Variants in DLGAP2 observed in about 807,000 individuals in gnomAD.
DLGAP2 encodes disks large-associated protein 2.
In DLGAP2, 26 loss-of-function variants were observed where a neutral mutation model predicts 100.3. That is an observed-to-expected ratio of 0.26 (90% CI 0.19 to 0.36). The LOEUF is 0.36. Among genes scored for constraint, DLGAP2 ranks in the 10% least tolerant of loss-of-function variants. DLGAP2 has a pLI of 1.00. For missense variants in DLGAP2, 1,858 were observed against 1,453.2 expected (o/e 1.28, Z -4.53); for synonymous variants, 886 against 630.1 (o/e 1.41, Z -6.08).
At chr8:1,323,220 G>A (rs1388244467) in intron 3 of DLGAP2, among the ~76,000 whole-genome samples, 2 of 151,996 alleles carry the variant, frequency 1.3e-5, no homozygotes, top group African/African-American at 4.8e-5. Flanking sequence ...ACTGGAGACA[G>A]GGTTTCATTG....
intron 2 of DLGAP2, among the ~76,000 whole-genome samples, chr8:1,042,704 G>T (rs554881704): frequency 6.6e-6 from 1 of 151,810 alleles, no homozygotes; most frequent in East Asian, 2.0e-4. Flanking sequence ...GTTGGATGTC[G>T]GTGGTGGGTG....
chr8:984,106 A>T (rs1210089107), intron 2 of DLGAP2, among the ~76,000 whole-genome samples: 1 of 152,212 alleles, frequency 6.6e-6, no homozygotes, highest in Non-Finnish European at 1.5e-5. Flanking sequence ...ACCTCGTAGC[A>T]GGAAACTGTT....
intron 2 of DLGAP2, among the ~76,000 whole-genome samples, chr8:990,330 TCGGAG>T (rs1563131777): frequency 9.0e-5 from 13 of 144,376 alleles, no homozygotes; most frequent in African/African-American, 3.2e-4. Context: ...ACCCCCATAC[TCGGAG>T]TTCCTGTTCT....
chr8:1,507,185 G>T (rs1007414879), intron 4 of DLGAP2, among the ~76,000 whole-genome samples: 1 of 152,236 alleles, frequency 6.6e-6, no homozygotes, highest in Non-Finnish European at 1.5e-5. Flanking sequence ...GGGTCAATGG[G>T]ACCGGGCGCC....
At chr8:788,796 G>T (rs1481418575) in intron 1 of DLGAP2, among the ~76,000 whole-genome samples, 3 of 152,186 alleles carry the variant, frequency 2.0e-5, no homozygotes, top group African/African-American at 7.2e-5. Flanking sequence ...GTCGTGGTGG[G>T]TTCTGTTCTA....
intron 2 of DLGAP2, among the ~76,000 whole-genome samples, chr8:966,421 A>G (rs1799872687): frequency 1.3e-5 from 2 of 152,178 alleles, no homozygotes; most frequent in Admixed American, 6.5e-5. Context: ...ATTTCAAACC[A>G]ACTCCGCAGG....
intron 2 of DLGAP2, among the ~76,000 whole-genome samples, chr8:1,235,215 C>G (rs368123917): frequency 0.014 from 1,596 of 112,700 alleles, 30 homozygotes; most frequent in African/African-American, 0.043. Context: ...ATGTCTAGTT[C>G]TCTCACACAT....
intron 2 of DLGAP2, among the ~76,000 whole-genome samples, chr8:1,224,804 T>C (rs1481144948): frequency 6.6e-6 from 1 of 152,198 alleles, no homozygotes. Flanking sequence ...AAGGAAGATA[T>C]ACAAATGGTC....
At chr8:800,704 G>A (rs1194794833) in intron 1 of DLGAP2, among the ~76,000 whole-genome samples, 1 of 152,186 alleles carries the variant, frequency 6.6e-6, no homozygotes, top group Non-Finnish European at 1.5e-5. Context: ...GTGCATGTGT[G>A]TGTCTGTGTG....
At chr8:1,298,626 C>T (rs1279923119) in intron 3 of DLGAP2, among the ~76,000 whole-genome samples, 2 of 152,144 alleles carry the variant, frequency 1.3e-5, no homozygotes, top group Admixed American at 1.3e-4. Flanking sequence ...AGAAGCATGG[C>T]AGGCGCTGAG....
intron 2 of DLGAP2, among the ~76,000 whole-genome samples, chr8:917,233 T>TCGCCCCC (rs1798613918): frequency 7.7e-6 from 1 of 130,636 alleles, no homozygotes; most frequent in Non-Finnish European, 1.6e-5. Context: ...CTCCCTCCCT[T>TCGCCCCC]CCTTCCTTCC....
At chr8:1,574,284 T>C (rs1273319863) in intron 6 of DLGAP2, among the ~76,000 whole-genome samples, 1 of 151,974 alleles carries the variant, frequency 6.6e-6, no homozygotes, top group Non-Finnish European at 1.5e-5. Context: ...AGGAGAGCAA[T>C]GAACTAGGCA....
At position 978,832 on chromosome 8, in the gene DLGAP2, G is replaced by C. The variant is rs181321687; in HGVS notation, c.73+70866G>C. Among the ~76,000 whole-genome samples the C allele has an allele frequency of 5.9e-5, 9 of 152,292 alleles. No individual in the cohort carries two copies. In the East Asian group the frequency reaches 7.7e-4, roughly 13 times the overall value. On this transcript the variant is annotated intron_variant, in intron 2 of 14. Transcript: ENST00000637795. ...CCTTTTGATAAGCTTGACAAAACCAGGTTTCTTTACACATTCCCAGTTAAA... is the reference window on the plus strand; with the variant it reads ...CCTTTTGATAAGCTTGACAAAACCACGTTTCTTTACACATTCCCAGTTAAA...
In DLGAP2 at chr8:1,704,122, C is replaced by T. The variant is rs1366706999; in HGVS notation, c.*2716C>T. 2 of 152,624 alleles carry T rather than the reference C, an allele frequency of 1.3e-5. No homozygotes were observed. Among genetic ancestry groups the T allele is most frequent in the East Asian group, 3.8e-4 (2 of 5,204 alleles). 9.5% of individuals were successfully genotyped at this position (152,624 alleles called of 1,614,324 possible). A position where few individuals can be genotyped will look rare whatever the true frequency, so the allele number is the denominator to read the frequency against. ...CTGTTTATGATACTTGTGTTAGTCA[C>T]TCGAGCTAGCTTATTTCAGCCACTT... On this transcript the variant is annotated 3_prime_UTR_variant, in exon 15 of 15. Coordinates refer to ENST00000637795, the MANE Select transcript of DLGAP2 (RefSeq NM_001346810.2).
chr8:1,702,433 A>G lies in DLGAP2; in HGVS notation c.*1027A>G, dbSNP rs920595727. On this transcript the variant is annotated 3_prime_UTR_variant, in exon 15 of 15. Coordinates refer to ENST00000637795, the MANE Select transcript of DLGAP2 (RefSeq NM_001346810.2). ...ACAGTTGTGATGTAAAAAGTTTAAGAAATATGAATGTGAGTGGTAAGTATA... is the reference window on the plus strand; with the variant it reads ...ACAGTTGTGATGTAAAAAGTTTAAGGAATATGAATGTGAGTGGTAAGTATA... 6.5e-6 allele frequency: 1 copy of G among 152,672 alleles called. No homozygotes were observed. Among genetic ancestry groups the G allele is most frequent in the Non-Finnish European group, 1.5e-5 (1 of 68,046 alleles). The allele number at this position is 152,672 out of a possible 1,614,324, so 9.5% of individuals were successfully genotyped here.
chr8:903,956 C>T lies in DLGAP2; in HGVS notation c.19-3956C>T, dbSNP rs914903628. On this transcript the variant is annotated intron_variant, in intron 1 of 14. Transcript: ENST00000637795. ...GAGGGCGGAGCTGCACGGGAGGCAT[C>T]AGGGAGGGTGAGGAAGAGGCGTGGC... Among the ~76,000 whole-genome samples the T allele has an allele frequency of 3.3e-5, 5 of 152,214 alleles. No individual in the cohort carries two copies. The East Asian group carries it at 9.6e-4, about 29-fold the overall frequency.
At chr8:1,119,529 G>C (rs1362184270) in intron 2 of DLGAP2, among the ~76,000 whole-genome samples, 2 of 152,222 alleles carry the variant, frequency 1.3e-5, no homozygotes, top group African/African-American at 2.4e-5. Flanking sequence ...TTCTTCAGCA[G>C]ATCGGGGTAG....
At chr8:913,995 C>A (rs112766567) in intron 2 of DLGAP2, among the ~76,000 whole-genome samples, 2,298 of 152,310 alleles carry the variant, frequency 0.015, 59 homozygotes, top group African/African-American at 0.052. Context: ...GGATTGGTTA[C>A]CTGTTTTCAG....
At chr8:872,618 T>A (rs1340655964) in intron 1 of DLGAP2, among the ~76,000 whole-genome samples, 1 of 152,190 alleles carries the variant, frequency 6.6e-6, no homozygotes, top group Non-Finnish European at 1.5e-5. Context: ...CGTGAGCCAC[T>A]GCGCCCGGCC....
Sources: gnomAD v4.1 joint callset for allele counts (sites outside exome capture counted in the v4.1 genomes callset) on GRCh38, gnomAD v4.1.1 for gene constraint, MANE v1.5 for transcripts, NCBI Gene and HGNC (gene_info 2026-07-23, HGNC 2026-07-21) for gene names.